ZNF383: variants seen among roughly 807,000 people sequenced by gnomAD.
The protein encoded by ZNF383 is zinc finger protein 383.
In ZNF383, 32 loss-of-function variants were observed where a neutral mutation model predicts 44.2. The observed-to-expected ratio is 0.72, with a 90% CI of 0.55 to 0.97. The LOEUF (loss-of-function observed/expected upper bound fraction) is 0.97, where lower values mean the gene tolerates loss of function less well. Ranked by LOEUF, ZNF383 falls within the 50% of genes least tolerant of loss-of-function variation. ZNF383 has a pLI of 0.00. For missense variants in ZNF383, 487 were observed against 562.5 expected, an observed-to-expected ratio of 0.87 and a Z score of 1.36; for synonymous variants, 155 against 186.2, an observed-to-expected ratio of 0.83 and a Z score of 1.36.
chr19:37,241,219 A>G (rs1008914921), intron 5 of ZNF383, among the ~76,000 whole-genome samples: 1 of 152,172 alleles, frequency 6.6e-6, no homozygotes, highest in African/African-American at 2.4e-5. Context: ...TGGAGACCTC[A>G]CAGTCTTCCA....
chr19:37,230,946 G>T (rs1973456726), intron 3 of ZNF383, among the ~76,000 whole-genome samples: 1 of 152,168 alleles, frequency 6.6e-6, no homozygotes, highest in Non-Finnish European at 1.5e-5. Context: ...CACCTTTGGG[G>T]ATCATGGGGT....
chr19:37,233,511 C>G, intron 3 of ZNF383, among the ~76,000 whole-genome samples: 1 of 150,324 alleles, frequency 6.7e-6, no homozygotes, highest in African/African-American at 2.4e-5. Flanking sequence ...CTCACTGCAA[C>G]CTCCGCCTCC....
At chr19:37,224,996 C>T (rs1197259897) in intron 2 of ZNF383, 57 bp downstream of exon 2, 1 of 152,132 alleles carries the variant, frequency 6.6e-6, no homozygotes, top group African/African-American at 2.4e-5. Context: ...GGGGTTTCAC[C>T]ATATTGGTGA....
Position 37,246,209 on chromosome 19 carries a change from A to C in ZNF383, c.*2545A>C, listed in dbSNP as rs890413922. 3.9e-5 allele frequency: 6 copies of C among 152,256 alleles called. No individual in the cohort carries two copies. Among genetic ancestry groups the C allele is most frequent in the Admixed American group, 3.9e-4 (6 of 15,282 alleles). The allele number at this position is 152,256 out of a possible 1,614,324, so 9.4% of individuals were successfully genotyped here. The stretch of plus-strand genomic sequence containing the variant: ...GCAAAGTACCTCAAACTGTTATCAC[A>C]TAATACAGGTTTAGTAAAAGTTTTC... On this transcript the variant is annotated 3_prime_UTR_variant, in exon 6 of 6. Coordinates refer to ENST00000684119, the MANE Select transcript of ZNF383 (RefSeq NM_001387601.1).
intron 2 of ZNF383, among the ~76,000 whole-genome samples, chr19:37,225,791 A>ATT (rs375895708): frequency 7.6e-5 from 11 of 143,822 alleles, no homozygotes; most frequent in Non-Finnish European, 1.1e-4. Flanking sequence ...TTCAGTTTAA[A>ATT]TTTTTTTTTT....
chr19:37,235,599 G>A lies in ZNF383; in HGVS notation c.60G>A (p.Trp20Ter). 6.2e-7 allele frequency: 1 copy of A among 1,613,958 alleles called. No individual in the cohort carries two copies. Among genetic ancestry groups the A allele is most frequent in the Non-Finnish European group, 8.5e-7 (1 of 1,179,948 alleles). Reference sequence around the variant, plus strand: ...CCATAGACTTCTCTCAGGAGGAGTGGGACTGCCTGGACCCTGTTCAGAGGG... The same window carrying A: ...CCATAGACTTCTCTCAGGAGGAGTGAGACTGCCTGGACCCTGTTCAGAGGG... ...DVSIDFSQEE[W>*]DCLDPVQRDL... The change falls in exon 4 of 6, where the codon TGG (tryptophan) becomes TGA (stop). Residue 20 changes from tryptophan to a stop codon, truncating the protein, a stop_gained. Transcript: ENST00000684119. LOFTEE classifies it high-confidence loss of function.
chr19:37,229,808 T>A lies in ZNF383; in HGVS notation c.-45-601T>A, dbSNP rs543184743. Among the ~76,000 whole-genome samples the A allele has an allele frequency of 8.8e-3, 1,271 of 144,990 alleles. 20 individuals carry two copies. Among genetic ancestry groups the A allele is most frequent in the African/African-American group, 0.028 (1,123 of 39,524 alleles). On this transcript the variant is annotated intron_variant, in intron 2 of 5. Transcript: ENST00000684119. ...TGTGTATATATATATATATATTTTT[T>A]TTTTTTTTTCAATAAAACAGAGCTA...
chr19:37,236,805 T>C (rs984096981), intron 5 of ZNF383, among the ~76,000 whole-genome samples: 9 of 151,886 alleles, frequency 5.9e-5, no homozygotes, highest in African/African-American at 2.2e-4. Flanking sequence ...CCTGACCTCA[T>C]GATCTACCCG....
intron 2 of ZNF383, 119 bp from the exon 3 acceptor site, chr19:37,230,290 A>C (rs1973419482): frequency 1.6e-6 from 1 of 629,058 alleles, no homozygotes; most frequent in African/African-American, 1.8e-5. Context: ...TATTCCTACT[A>C]ACTGGAGTTG....
chr19:37,218,505 G>A (rs1972776988), intron 1 of ZNF383, among the ~76,000 whole-genome samples: 1 of 152,126 alleles, frequency 6.6e-6, no homozygotes, highest in South Asian at 2.1e-4. Context: ...ACAATGTAAG[G>A]CTGTATGTGT....
Position 37,243,051 on chromosome 19 carries a change from A to G in ZNF383, c.815A>G (p.His272Arg), listed in dbSNP as rs1341870425. Residue 272 changes from histidine (H) to arginine (R), a missense_variant, in exon 6 of 6, where the codon CAT becomes CGT. Transcript: ENST00000684119. The stretch of plus-strand genomic sequence containing the variant: ...AGTTATTGCTCAAATCTTATTGACC[A>G]TCAGCGAATTCACACTGGTGAAAAA... Reference protein sequence around the residue: ...AFSYCSNLIDHQRIHTGEKPY... With the variant: ...AFSYCSNLIDRQRIHTGEKPY... 1.2e-6 allele frequency: 2 copies of G among 1,614,072 alleles called. No individual in the cohort carries two copies. The highest frequency in any genetic ancestry group is 1.7e-6 in the Non-Finnish European group (2 of 1,180,046).
chr19:37,226,728 G>C (rs1437637360), intron 2 of ZNF383: 1 of 152,070 alleles, frequency 6.6e-6, no homozygotes, highest in Non-Finnish European at 1.5e-5. Context: ...TCATTTATTG[G>C]ACAAGATGTG....
At chr19:37,222,638 A>G (rs897814247) in intron 1 of ZNF383, among the ~76,000 whole-genome samples, 1 of 152,170 alleles carries the variant, frequency 6.6e-6, no homozygotes, top group African/African-American at 2.4e-5. Context: ...TCGGCCTCCC[A>G]AAGTGGTGGG....
intron 5 of ZNF383, among the ~76,000 whole-genome samples, chr19:37,241,779 C>T (rs971242316): frequency 9.9e-5 from 15 of 151,898 alleles, no homozygotes; most frequent in Admixed American, 9.2e-4. Flanking sequence ...CAGTGTGGGG[C>T]TTTATTATAC....
At position 37,243,973 on chromosome 19, in the gene ZNF383, C is replaced by T; in HGVS notation, c.*309C>T. ...TTTCTGATCTGTGTATTTGTGTTTG[C>T]ACCAGTATCACACTGTTTGAATTGT... is the stretch of plus-strand genomic sequence containing the variant. On this transcript the variant is annotated 3_prime_UTR_variant, in exon 6 of 6. Transcript: ENST00000684119. 1 of 229,770 alleles carries T rather than the reference C, an allele frequency of 4.4e-6. No homozygotes were observed. The highest frequency in any genetic ancestry group is 1.2e-4 in the South Asian group (1 of 8,078). The allele number at this position is 229,770 out of a possible 1,614,324, so 14.2% of individuals were successfully genotyped here.
At chr19:37,226,844 T>C (rs1301668390) in intron 2 of ZNF383, among the ~76,000 whole-genome samples, 1 of 152,136 alleles carries the variant, frequency 6.6e-6, no homozygotes, top group Non-Finnish European at 1.5e-5. Context: ...TTTTGAGATG[T>C]AGTCTTGCTC....
chr19:37,219,038 G>A (rs921767109), intron 1 of ZNF383, among the ~76,000 whole-genome samples: 1 of 152,116 alleles, frequency 6.6e-6, no homozygotes, highest in Non-Finnish European at 1.5e-5. Flanking sequence ...GACAATGATT[G>A]TGTGACCATA....
chr19:37,233,903 C>T (rs577057810), intron 3 of ZNF383, among the ~76,000 whole-genome samples: 10 of 150,556 alleles, frequency 6.6e-5, no homozygotes, highest in East Asian at 2.0e-4. Context: ...TCGCTTTTAT[C>T]GCCCAGGCTG....
At chr19:37,240,870 G>A (rs541830669) in intron 5 of ZNF383, among the ~76,000 whole-genome samples, 3 of 152,232 alleles carry the variant, frequency 2.0e-5, no homozygotes, top group African/African-American at 7.2e-5. Flanking sequence ...GCAGTGGTGC[G>A]ATCTCAGCTC....
Sources: gnomAD v4.1 joint callset for allele counts (sites outside exome capture counted in the v4.1 genomes callset) on GRCh38, gnomAD v4.1.1 for gene constraint, MANE v1.5 for transcripts, NCBI Gene and HGNC (gene_info 2026-07-23, HGNC 2026-07-21) for gene names.